CSNK2A1: variants seen among roughly 807,000 people sequenced by gnomAD.
The protein encoded by CSNK2A1 is casein kinase 2 alpha 1.
A neutral mutation model predicts 62.9 loss-of-function variants in CSNK2A1; 10 were observed. That is an observed-to-expected ratio of 0.16 (90% confidence interval 0.10 to 0.27). The LOEUF (loss-of-function observed/expected upper bound fraction) is 0.27. Ranked by LOEUF, CSNK2A1 falls within the 10% of genes least tolerant of loss-of-function variation. The pLI is 1.00. For synonymous variants in CSNK2A1, 124 were observed against 167.8 expected (o/e 0.74, Z 2.02); for missense variants, 160 against 492.0 (o/e 0.33, Z 6.38).
intron 1 of CSNK2A1, among the ~76,000 whole-genome samples, chr20:537,316 G>A (rs544473733): frequency 6.6e-6 from 1 of 152,106 alleles, no homozygotes; most frequent in East Asian, 1.9e-4. Context: ...TTATCACCAC[G>A]AATGTAAAGA....
At position 508,499 on chromosome 20, in the gene CSNK2A1, T is replaced by C; in HGVS notation, c.53A>G (p.His18Arg). Residue 18 changes from histidine to arginine, a missense_variant, in exon 3 of 14, where the codon CAC (histidine) becomes CGC (arginine). Transcript: ENST00000217244. ...GTAATCCCAGTATTCTCGAGGTCTG[T>C]GTGTATTAACATCTGTGTAAACTCT... ...RARVYTDVNT[H>R]RPREYWDYES... 6.2e-7 allele frequency: 1 copy of C among 1,614,152 alleles called. No homozygotes were observed. Among genetic ancestry groups the C allele is most frequent in the Non-Finnish European group, 8.5e-7 (1 of 1,180,020 alleles).
chr20:487,181 A>G (rs1347447296), intron 12 of CSNK2A1: 9 of 544,224 alleles, frequency 1.7e-5, no homozygotes, highest in Non-Finnish European at 2.9e-5. Flanking sequence ...TGAGGCACTG[A>G]GAAGTGTCAT....
At chr20:493,383 A>C (rs565498903) in intron 8 of CSNK2A1, among the ~76,000 whole-genome samples, 1 of 152,172 alleles carries the variant, frequency 6.6e-6, no homozygotes, top group African/African-American at 2.4e-5. Context: ...CCTCTAGTCT[A>C]AACAGTTTAA....
In CSNK2A1 at chr20:474,423, A is replaced by C. The variant is rs1416870146; in HGVS notation, c.*9538T>G. On this transcript the variant is annotated 3_prime_UTR_variant, in exon 14 of 14. Transcript: ENST00000217244. ...AGATGGGAAGGCATCAAGACCAGTT[A>C]TCTGCTATGATACTCCAAGCAAGAG... The C allele has an allele frequency of 6.6e-6, 1 of 152,232 alleles. No individual in the cohort carries two copies. Among genetic ancestry groups the C allele is most frequent in the Non-Finnish European group, 1.5e-5 (1 of 68,030 alleles). 9.4% of individuals were successfully genotyped at this position (152,232 alleles called of 1,614,324 possible).
chr20:492,211 A>G, intron 9 of CSNK2A1, 43 bp downstream of exon 9: 1 of 1,558,670 alleles, frequency 6.4e-7, no homozygotes, highest in Non-Finnish European at 8.8e-7. Context: ...TTATGTGCGA[A>G]ATAAACACAG....
chr20:487,334 C>T, intron 12 of CSNK2A1, 93 bp downstream of exon 12: 1 of 1,565,576 alleles, frequency 6.4e-7, no homozygotes. Context: ...GGTGAATTAA[C>T]TTTGCAGCAA....
At position 489,903 on chromosome 20, in the gene CSNK2A1, G is replaced by A. The variant is rs774442269; in HGVS notation, c.622-22C>T. The A allele has an allele frequency of 3.2e-6, 5 of 1,562,352 alleles. No individual in the cohort carries two copies. In the South Asian group the frequency reaches 6.1e-5, roughly 19 times the overall value. Reference sequence around the variant, plus strand: ...ACATCTGCATAAAAGTAAACTCACTGTTATTATCTGTGAATCCTCAGGCTT... The same window carrying A: ...ACATCTGCATAAAAGTAAACTCACTATTATTATCTGTGAATCCTCAGGCTT... On this transcript the variant is annotated intron_variant, in intron 9 of 13. Transcript: ENST00000217244.
intron 1 of CSNK2A1, among the ~76,000 whole-genome samples, chr20:533,497 G>A (rs1238056742): frequency 6.6e-6 from 1 of 152,162 alleles, no homozygotes; most frequent in African/African-American, 2.4e-5. Flanking sequence ...CAGCTACTTG[G>A]GAGGCTGAGG....
intron 1 of CSNK2A1, chr20:540,735 C>G (rs2019433190): frequency 6.6e-6 from 1 of 152,160 alleles, no homozygotes; most frequent in Non-Finnish European, 1.5e-5. Flanking sequence ...GTACCCCACT[C>G]CTGGTACCAA....
At chr20:524,026 A>G (rs1361753606) in intron 2 of CSNK2A1, among the ~76,000 whole-genome samples, 3 of 152,022 alleles carry the variant, frequency 2.0e-5, no homozygotes. Context: ...GTATGTATTA[A>G]AATTCATAGA....
chr20:505,025 A>G, intron 4 of CSNK2A1, 93 bp downstream of exon 4: 1 of 1,110,168 alleles, frequency 9.0e-7, no homozygotes, highest in Non-Finnish European at 1.3e-6. Flanking sequence ...CTTTGGCACC[A>G]AAAACCTTTT....
intron 12 of CSNK2A1, chr20:486,788 C>T (rs558143068): frequency 1.8e-5 from 5 of 276,448 alleles, no homozygotes; most frequent in East Asian, 8.0e-5. Flanking sequence ...TCGGCAAAGA[C>T]GGTAATATAT....
chr20:486,373 G>A lies in CSNK2A1; in HGVS notation c.1060+3C>T, dbSNP rs1255966137. 6.2e-7 allele frequency: 1 copy of A among 1,613,380 alleles called. No homozygotes were observed. The highest frequency in any genetic ancestry group is 8.5e-7 in the Non-Finnish European group (1 of 1,179,798). Reference sequence around the variant, plus strand: ...TTTAAAGAAAATTTACCAATGAACTGACCTGACATCATATTGGCGCTGCTG... The same window carrying A: ...TTTAAAGAAAATTTACCAATGAACTAACCTGACATCATATTGGCGCTGCTG... On this transcript the variant is annotated splice_donor_region_variant and intron_variant, in intron 13 of 13. Coordinates refer to ENST00000217244, the MANE Select transcript of CSNK2A1 (RefSeq NM_177559.3).
chr20:520,211 G>A (rs911107071), intron 2 of CSNK2A1, among the ~76,000 whole-genome samples: 5 of 151,970 alleles, frequency 3.3e-5, no homozygotes, highest in African/African-American at 1.2e-4. Context: ...CCAGGTAAAA[G>A]ACAAAGACTA....
chr20:484,991 C>T (rs1276464066), intron 13 of CSNK2A1, among the ~76,000 whole-genome samples: 59 of 136,448 alleles, frequency 4.3e-4, no homozygotes, highest in African/African-American at 1.5e-3. Flanking sequence ...CGCTTGAACC[C>T]GGGAGGCGGA....
At chr20:486,764 C>T in intron 12 of CSNK2A1, 1 of 321,926 alleles carries the variant, frequency 3.1e-6, no homozygotes, top group Non-Finnish European at 5.9e-6. Flanking sequence ...TTAATGGAGA[C>T]AAGACACTGT....
At chr20:498,075 G>A (rs547167756) in intron 6 of CSNK2A1, 1 of 277,042 alleles carries the variant, frequency 3.6e-6, no homozygotes, top group Non-Finnish European at 6.9e-6. Context: ...AATTTAGTTT[G>A]CTTTTCATGT....
At chr20:515,031 T>C (rs1568541612) in intron 2 of CSNK2A1, among the ~76,000 whole-genome samples, 1 of 152,264 alleles carries the variant, frequency 6.6e-6, no homozygotes, top group East Asian at 1.9e-4. Flanking sequence ...AGAAATTCAT[T>C]GAAAAGTTTT....
rs1000801796 is a variant in CSNK2A1, at chr20:482,376, T to C, written c.*1585A>G. On this transcript the variant is annotated 3_prime_UTR_variant, in exon 14 of 14. Transcript: ENST00000217244. ...TGAAGCACCTGATAAACTTAGGTGG[T>C]TGGATTACAGTGGAAAGTCCACTTT... 2.0e-5 allele frequency: 3 copies of C among 152,164 alleles called. No homozygotes were observed. The highest frequency in any genetic ancestry group is 7.2e-5 in the African/African-American group (3 of 41,428). The allele number at this position is 152,164 out of a possible 1,614,324, so 9.4% of individuals were successfully genotyped here.
Sources: allele counts gnomAD v4.1 joint callset (sites outside exome capture counted in the v4.1 genomes callset), GRCh38; gene constraint gnomAD v4.1.1; transcripts MANE v1.5; gene names NCBI Gene and HGNC (gene_info 2026-07-23, HGNC 2026-07-21).